Variants in OXR1 observed in about 807,000 individuals in gnomAD.
The protein encoded by OXR1 is oxidation resistance 1, also known as oxidation resistance protein 1.
Under a neutral mutation model 104.6 loss-of-function variants are expected in OXR1, and 41 were observed. The ratio of observed to expected loss-of-function variants is 0.39; its 90% CI spans 0.31 to 0.51. The LOEUF (loss-of-function observed/expected upper bound fraction) is 0.51. Ranked by LOEUF, OXR1 falls within the 20% of genes least tolerant of loss-of-function variation. The probability of loss-of-function intolerance (pLI) is 0.77; values close to 1 mark genes in which losing one functional copy is unlikely to be tolerated. For missense variants in OXR1, 955 were observed against 1,031.9 expected (o/e 0.93, Z 1.02); for synonymous variants, 348 against 348.4 (o/e 1.00, Z 0.01).
chr8:106,554,863 T>C (rs903810931), intron 3 of OXR1, among the ~76,000 whole-genome samples: 1 of 152,118 alleles, frequency 6.6e-6, no homozygotes, highest in African/African-American at 2.4e-5. Flanking sequence ...TGTCCAAGAG[T>C]AGGACCAAGG....
At chr8:106,347,485 A>G (rs569103788) in intron 1 of OXR1, among the ~76,000 whole-genome samples, 1 of 152,212 alleles carries the variant, frequency 6.6e-6, no homozygotes, top group Non-Finnish European at 1.5e-5. Context: ...AGGAAATATC[A>G]ATAACTTATA....
chr8:106,445,852 G>A (rs1490057223), intron 2 of OXR1, among the ~76,000 whole-genome samples: 3 of 152,288 alleles, frequency 2.0e-5, no homozygotes, highest in East Asian at 3.9e-4. Context: ...GAGAACAGTG[G>A]CAAAAATGAA....
At chr8:106,524,039 G>T (rs1413342000) in intron 3 of OXR1, among the ~76,000 whole-genome samples, 2 of 152,092 alleles carry the variant, frequency 1.3e-5, no homozygotes, top group African/African-American at 4.8e-5. Context: ...ACCTCCCAAA[G>T]TGCTGGGATT....
chr8:106,733,001 G>A (rs575747987), intron 11 of OXR1, among the ~76,000 whole-genome samples: 1 of 152,070 alleles, frequency 6.6e-6, no homozygotes, highest in South Asian at 2.1e-4. Flanking sequence ...GTCTATCTGG[G>A]CCTTGTGCTT....
chr8:106,573,505 G>T (rs979521673), intron 3 of OXR1, among the ~76,000 whole-genome samples: 3 of 152,048 alleles, frequency 2.0e-5, no homozygotes, highest in African/African-American at 7.2e-5. Flanking sequence ...CAGAAACACT[G>T]GTCAAATACT....
intron 2 of OXR1, among the ~76,000 whole-genome samples, chr8:106,407,880 A>G (rs544223284): frequency 4.6e-5 from 7 of 152,198 alleles, no homozygotes; most frequent in Non-Finnish European, 7.4e-5. Context: ...TAAGCATCAT[A>G]TTGTTTGGAA....
intron 16 of OXR1, among the ~76,000 whole-genome samples, chr8:106,748,742 T>C (rs1384657047): frequency 6.6e-6 from 1 of 151,560 alleles, no homozygotes; most frequent in African/African-American, 2.4e-5. Context: ...CTAACTTTTG[T>C]ATTTTTTATT....
intron 11 of OXR1, among the ~76,000 whole-genome samples, chr8:106,723,956 AT>A (rs965978147): frequency 7.0e-4 from 100 of 142,730 alleles, no homozygotes; most frequent in Admixed American, 8.4e-4. Context: ...CATCCAGCTA[AT>A]TTTTTTTTTT....
At chr8:106,459,734 A>G (rs1820804140) in intron 2 of OXR1, among the ~76,000 whole-genome samples, 1 of 152,144 alleles carries the variant, frequency 6.6e-6, no homozygotes, top group Admixed American at 6.5e-5. Flanking sequence ...TTTGCTTAAT[A>G]TGTCTGTCAT....
chr8:106,688,414 A>G (rs1157945289), intron 6 of OXR1, among the ~76,000 whole-genome samples: 1 of 152,030 alleles, frequency 6.6e-6, no homozygotes. Flanking sequence ...ATAAGACAAT[A>G]TAATTTTGAA....
intron 2 of OXR1, among the ~76,000 whole-genome samples, chr8:106,411,109 AT>A (rs1420054298): frequency 1.3e-5 from 2 of 152,154 alleles, no homozygotes; most frequent in Non-Finnish European, 2.9e-5. Flanking sequence ...AAGAAAAAGC[AT>A]TTTATGATAT....
At chr8:106,597,765 C>T (rs2130735924) in intron 3 of OXR1, among the ~76,000 whole-genome samples, 1 of 152,252 alleles carries the variant, frequency 6.6e-6, no homozygotes, top group Non-Finnish European at 1.5e-5. Context: ...CCTCGGATTC[C>T]CCATTCCCCA....
At chr8:106,303,511 T>A (rs1813349095) in intron 1 of OXR1, among the ~76,000 whole-genome samples, 1 of 152,042 alleles carries the variant, frequency 6.6e-6, no homozygotes, top group South Asian at 2.1e-4. Context: ...GTGCTGGGAT[T>A]ACAGGTGTGA....
chr8:106,711,904 A>C (rs1040860615), intron 10 of OXR1, among the ~76,000 whole-genome samples: 3 of 152,150 alleles, frequency 2.0e-5, no homozygotes, highest in African/African-American at 4.8e-5. Context: ...AGATAATGCT[A>C]CACTAACATA....
chr8:106,517,202 A>G (rs2130090901), intron 2 of OXR1, among the ~76,000 whole-genome samples: 1 of 152,318 alleles, frequency 6.6e-6, no homozygotes, highest in East Asian at 1.9e-4. Flanking sequence ...TGTCAATGTA[A>G]TAACTCCCCA....
chr8:106,655,258 A>G (rs1295423331), intron 3 of OXR1, among the ~76,000 whole-genome samples: 2 of 152,134 alleles, frequency 1.3e-5, no homozygotes, highest in Non-Finnish European at 2.9e-5. Flanking sequence ...GGTGAACTAT[A>G]TAATTTTAAC....
intron 11 of OXR1, among the ~76,000 whole-genome samples, chr8:106,714,500 A>G (rs1224736408): frequency 6.6e-6 from 1 of 152,114 alleles, no homozygotes; most frequent in Non-Finnish European, 1.5e-5. Flanking sequence ...TTTTAAGGAA[A>G]TAAGCAGGTG....
chr8:106,474,132 T>G (rs1821675946), intron 2 of OXR1, among the ~76,000 whole-genome samples: 1 of 151,266 alleles, frequency 6.6e-6, no homozygotes, highest in South Asian at 2.1e-4. Flanking sequence ...AGTTTTGTTT[T>G]TTTTTTTAAT....
At chr8:106,356,488 A>G (rs1815977099) in intron 1 of OXR1, among the ~76,000 whole-genome samples, 2 of 152,108 alleles carry the variant, frequency 1.3e-5, no homozygotes, top group Admixed American at 6.6e-5. Flanking sequence ...TTGACCTACA[A>G]AAGCAATGGG....
Sources: gnomAD v4.1 joint callset for allele counts (sites outside exome capture counted in the v4.1 genomes callset) on GRCh38, gnomAD v4.1.1 for gene constraint, MANE v1.5 for transcripts, NCBI Gene and HGNC (gene_info 2026-07-23, HGNC 2026-07-21) for gene names.